PTPRO: variants seen among roughly 807,000 people sequenced by gnomAD.
PTPRO encodes the protein receptor-type tyrosine-protein phosphatase O.
PTPRO carries 62 observed loss-of-function variants against 145.2 expected under a neutral mutation model. That is an observed-to-expected ratio of 0.43 (90% CI 0.35 to 0.53). The LOEUF is 0.53. PTPRO is among the 20% of genes least tolerant of loss of function. The pLI, the probability that PTPRO is intolerant of heterozygous loss-of-function variation, is 0.01. For missense variants in PTPRO, 1,345 were observed against 1,482.7 expected (o/e 0.91, Z 1.53); for synonymous variants, 565 against 514.7 (o/e 1.10, Z -1.32).
chr12:15,370,710 T>G (rs1251037148), intron 1 of PTPRO, among the ~76,000 whole-genome samples: 1 of 152,174 alleles, frequency 6.6e-6, no homozygotes, highest in Non-Finnish European at 1.5e-5. Context: ...ACAAACAATT[T>G]GTTAAAAATC....
intron 1 of PTPRO, among the ~76,000 whole-genome samples, chr12:15,457,720 T>C (rs1460833515): frequency 6.6e-6 from 1 of 152,232 alleles, no homozygotes; most frequent in Non-Finnish European, 1.5e-5. Context: ...GATAACAACT[T>C]ATTTTCAATC....
intron 7 of PTPRO, among the ~76,000 whole-genome samples, chr12:15,513,079 A>C (rs1237714770): frequency 6.8e-5 from 2 of 29,372 alleles, no homozygotes; most frequent in Non-Finnish European, 1.7e-4. Flanking sequence ...AAGGAAAGAA[A>C]GAAAGAAAGA....
chr12:15,548,352 G>A (rs1943353777), intron 13 of PTPRO, among the ~76,000 whole-genome samples: 1 of 152,290 alleles, frequency 6.6e-6, no homozygotes, highest in Middle Eastern at 3.4e-3. Context: ...CTTGCAAAAT[G>A]TCTGTAGAGA....
intron 12 of PTPRO, among the ~76,000 whole-genome samples, chr12:15,538,928 A>G (rs189167867): frequency 2.0e-5 from 3 of 152,354 alleles, no homozygotes; most frequent in Admixed American, 6.5e-5. Context: ...AGTCTGGGCT[A>G]GATGATCTTT....
At chr12:15,381,282 A>G (rs1010197908) in intron 1 of PTPRO, among the ~76,000 whole-genome samples, 13 of 152,212 alleles carry the variant, frequency 8.5e-5, no homozygotes, top group Non-Finnish European at 1.2e-4. Flanking sequence ...TGTGGGATAG[A>G]TAGGATATGT....
intron 1 of PTPRO, among the ~76,000 whole-genome samples, chr12:15,369,396 G>A (rs1938456377): frequency 6.6e-6 from 1 of 152,110 alleles, no homozygotes; most frequent in Admixed American, 6.6e-5. Context: ...AAGGTACAGA[G>A]CTCAGTCTGA....
chr12:15,342,866 C>T lies in PTPRO; in HGVS notation c.75+20065C>T, dbSNP rs75497727. 4.3e-3 allele frequency among the ~76,000 whole-genome samples: 654 copies of T among 152,104 alleles called. 10 individuals are homozygous for T. Among genetic ancestry groups the T allele is most frequent in the East Asian group, 0.028 (145 of 5,162 alleles). ...CCATTGCAGTTTGTCAGCTGTGGGC[C>T]GATAGGTTTCTGGAATTTCAGTGTC... is the stretch of plus-strand genomic sequence containing the variant. On this transcript the variant is annotated intron_variant, in intron 1 of 26. Transcript: ENST00000281171.
chr12:15,365,758 C>T (rs1938341236), intron 1 of PTPRO, among the ~76,000 whole-genome samples: 1 of 152,080 alleles, frequency 6.6e-6, no homozygotes, highest in Non-Finnish European at 1.5e-5. Context: ...CTTGCAAGTT[C>T]ATGCTTGTGA....
chr12:15,357,660 G>C (rs1222768616), intron 1 of PTPRO, among the ~76,000 whole-genome samples: 1 of 151,544 alleles, frequency 6.6e-6, no homozygotes, highest in Non-Finnish European at 1.5e-5. Flanking sequence ...GGCCATCAGA[G>C]AAATGCAAAT....
At chr12:15,400,150 C>G (rs1172864402) in intron 1 of PTPRO, among the ~76,000 whole-genome samples, 1 of 151,148 alleles carries the variant, frequency 6.6e-6, no homozygotes, top group African/African-American at 2.4e-5. Context: ...GCCACCACGC[C>G]CAGCTAGTTT....
chr12:15,337,357 A>G (rs563201735), intron 1 of PTPRO: 5 of 152,338 alleles, frequency 3.3e-5, no homozygotes, highest in Admixed American at 3.3e-4. Flanking sequence ...CAGAGTGATT[A>G]TGTAATTTAT....
At chr12:15,366,240 G>T (rs193031098) in intron 1 of PTPRO, among the ~76,000 whole-genome samples, 1 of 152,134 alleles carries the variant, frequency 6.6e-6, no homozygotes, top group East Asian at 1.9e-4. Context: ...AAATACTTTC[G>T]GTTGCTAGTT....
intron 1 of PTPRO, among the ~76,000 whole-genome samples, chr12:15,422,817 G>A (rs1591797971): frequency 6.6e-6 from 1 of 152,160 alleles, no homozygotes; most frequent in African/African-American, 2.4e-5. Context: ...ATCAAAGGAA[G>A]CACAAAGCAC....
chr12:15,515,053 C>G (rs926687026), intron 7 of PTPRO, among the ~76,000 whole-genome samples: 1 of 152,092 alleles, frequency 6.6e-6, no homozygotes, highest in Non-Finnish European at 1.5e-5. Context: ...GCGTGAGCCA[C>G]TGTTCCCGGT....
At chr12:15,496,281 T>C (rs1245880823) in intron 2 of PTPRO, among the ~76,000 whole-genome samples, 1 of 151,570 alleles carries the variant, frequency 6.6e-6, no homozygotes, top group African/African-American at 2.4e-5. Flanking sequence ...CAGCTGGGAT[T>C]ACAGGCGTGT....
intron 1 of PTPRO, among the ~76,000 whole-genome samples, chr12:15,336,554 CATTT>C (rs1379297304): frequency 1.3e-5 from 2 of 152,068 alleles, no homozygotes; most frequent in African/African-American, 2.4e-5. Context: ...TATTGGCAGG[CATTT>C]ATTTTCCATT....
At chr12:15,404,426 C>T (rs1053105673) in intron 1 of PTPRO, among the ~76,000 whole-genome samples, 2 of 152,094 alleles carry the variant, frequency 1.3e-5, no homozygotes, top group East Asian at 3.9e-4. Context: ...CAGGCAATTT[C>T]ACATACTGTA....
At chr12:15,452,900 C>T (rs186077205) in intron 1 of PTPRO, among the ~76,000 whole-genome samples, 3 of 152,148 alleles carry the variant, frequency 2.0e-5, no homozygotes, top group Admixed American at 2.0e-4. Flanking sequence ...TAGATTGTTT[C>T]CATTTGGAAA....
intron 7 of PTPRO, 106 bp downstream of exon 7, chr12:15,508,873 G>A: frequency 8.6e-7 from 1 of 1,159,612 alleles, no homozygotes; most frequent in Non-Finnish European, 1.3e-6. Context: ...GGTCTGCTGG[G>A]ATGGGTGTGT....
Sources: gnomAD v4.1 joint callset for allele counts (sites outside exome capture counted in the v4.1 genomes callset) on GRCh38, gnomAD v4.1.1 for gene constraint, MANE v1.5 for transcripts, NCBI Gene and HGNC (gene_info 2026-07-23, HGNC 2026-07-21) for gene names.